The following CLECL1 variants were observed in gnomAD, a reference collection of about 807,000 sequenced individuals.
CLECL1 encodes the protein C-type lectin-like domain family 1.
the CLECL1 span, among the ~76,000 whole-genome samples, chr12:9,708,246 G>T: frequency 4.6e-5 from 7 of 152,186 alleles, no homozygotes; most frequent in African/African-American, 9.7e-5. Context: ...CACTAAGCAA[G>T]TGGTTCTTCC....
chr12:9,732,995 A>T, exon 1 of CLECL1: 1 of 1,612,600 alleles, frequency 6.2e-7, no homozygotes, highest in East Asian at 2.2e-5. Context: ...AAGTCCGAAC[A>T]GTTTTGATGT....
chr12:9,732,807 T>G (rs542697049), intron 1 of CLECL1, 142 bp downstream of exon 1: 2 of 614,078 alleles, frequency 3.3e-6, no homozygotes, highest in Non-Finnish European at 5.3e-6. Context: ...TTAAAAACAT[T>G]CGCTCTTATT....
intron 3 of CLECL1, among the ~76,000 whole-genome samples, chr12:9,726,416 G>A (rs975851299): frequency 2.0e-5 from 3 of 151,850 alleles, no homozygotes; most frequent in African/African-American, 7.2e-5. Context: ...TGAATTTAAA[G>A]ATATATCTGA....
the CLECL1 span, among the ~76,000 whole-genome samples, chr12:9,710,195 A>G: frequency 6.6e-6 from 1 of 152,176 alleles, no homozygotes. Flanking sequence ...CACATGTTTA[A>G]CCCATGCATA....
At chr12:9,730,040 T>G (rs1419022483) in intron 1 of CLECL1, among the ~76,000 whole-genome samples, 1 of 152,196 alleles carries the variant, frequency 6.6e-6, no homozygotes, top group East Asian at 1.9e-4. Flanking sequence ...GTTTCTCCTC[T>G]TATATAATGT....
At chr12:9,708,574 A>G in the CLECL1 span, among the ~76,000 whole-genome samples, 1 of 151,902 alleles carries the variant, frequency 6.6e-6, no homozygotes, top group Non-Finnish European at 1.5e-5. Flanking sequence ...TGAAACCTCC[A>G]CCCCATGGAA....
exon 3 of CLECL1, chr12:9,716,564 A>G (rs2121037675): frequency 4.3e-6 from 1 of 235,240 alleles, no homozygotes; most frequent in Admixed American, 5.5e-5. Context: ...TTGATTGTCT[A>G]CTTCAGCCAT....
the CLECL1 span, among the ~76,000 whole-genome samples, chr12:9,704,662 T>C: frequency 6.6e-6 from 1 of 152,312 alleles, no homozygotes; most frequent in East Asian, 1.9e-4. Context: ...ACATGTGGTA[T>C]TTGATTTTCC....
intron 2 of CLECL1, among the ~76,000 whole-genome samples, chr12:9,717,210 A>C (rs1416986890): frequency 6.6e-6 from 1 of 152,110 alleles, no homozygotes; most frequent in Admixed American, 6.5e-5. Context: ...GGAGACTGAG[A>C]CCCTCCTGGC....
chr12:9,723,185 G>A (rs1866335042), intron 3 of CLECL1, among the ~76,000 whole-genome samples: 1 of 152,156 alleles, frequency 6.6e-6, no homozygotes, highest in South Asian at 2.1e-4. Flanking sequence ...TAACACATCA[G>A]AAATGTTGGG....
chr12:9,716,756 A>G (rs1866243787), exon 3 of CLECL1: 1 of 1,278,638 alleles, frequency 7.8e-7, no homozygotes, highest in Non-Finnish European at 1.0e-6. Flanking sequence ...CTATATGCAT[A>G]TGTCAAAAAA....
the CLECL1 span, among the ~76,000 whole-genome samples, chr12:9,707,608 G>A: frequency 6.6e-6 from 1 of 152,178 alleles, no homozygotes; most frequent in Non-Finnish European, 1.5e-5. Context: ...TGAGCAGTGG[G>A]GCACTGAAGA....
chr12:9,720,638 G>C (rs748776592), downstream of CLECL1, among the ~76,000 whole-genome samples: 2 of 152,194 alleles, frequency 1.3e-5, no homozygotes, highest in East Asian at 3.9e-4. Context: ...ACCGCGCCCA[G>C]CCGCCACCTC....
At chr12:9,703,824 TTTC>T in the CLECL1 span, among the ~76,000 whole-genome samples, 7 of 152,162 alleles carry the variant, frequency 4.6e-5, no homozygotes, top group African/African-American at 9.7e-5. Context: ...TGTAAATGAT[TTTC>T]TTTTTTTAAT....
chr12:9,733,495 A>G (rs996956679), upstream of CLECL1, among the ~76,000 whole-genome samples: 2 of 152,198 alleles, frequency 1.3e-5, no homozygotes, highest in Admixed American at 6.5e-5. Flanking sequence ...CGAAAGTTAC[A>G]GAAAGGGGCC....
intron 3 of CLECL1, among the ~76,000 whole-genome samples, chr12:9,725,428 T>C (rs1402656541): frequency 6.6e-6 from 1 of 152,116 alleles, no homozygotes; most frequent in East Asian, 1.9e-4. Flanking sequence ...ATAGAGCAAC[T>C]ATGTAGCTGA....
At chr12:9,711,858 CT>C (rs1409234060), downstream of CLECL1, among the ~76,000 whole-genome samples, 2 of 152,158 alleles carry the variant, frequency 1.3e-5, no homozygotes, top group African/African-American at 4.8e-5. Context: ...AAGTATCTAA[CT>C]GGATTCCTGA....
chr12:9,729,576 TTAC>T (rs61629673), intron 2 of CLECL1, among the ~76,000 whole-genome samples: 44,687 of 151,702 alleles, frequency 0.29, 7,269 homozygotes, highest in South Asian at 0.46. Flanking sequence ...ATAAATAATA[TTAC>T]TAATTACTTA....
the CLECL1 span, among the ~76,000 whole-genome samples, chr12:9,706,391 A>G: frequency 2.4e-4 from 37 of 152,166 alleles, no homozygotes; most frequent in Admixed American, 1.6e-3. Flanking sequence ...TTCTAATACT[A>G]TGTTGAAAAG....
Sources: gnomAD v4.1 joint callset for allele counts (sites outside exome capture counted in the v4.1 genomes callset) on GRCh38, gnomAD v4.1.1 for gene constraint, MANE v1.5 for transcripts, NCBI Gene and HGNC (gene_info 2026-07-23, HGNC 2026-07-21) for gene names.